Variants in ZNF578 observed in about 807,000 individuals in gnomAD.
ZNF578 encodes zinc finger protein 578.
Under a neutral mutation model 8.3 loss-of-function variants are expected in ZNF578, and 8 were observed. The observed-to-expected ratio is 0.96, with a 90% CI of 0.56 to 1.74. The LOEUF is 1.74. ZNF578 is among the 40% of genes most tolerant of loss of function. The pLI, the probability that ZNF578 is intolerant of heterozygous loss-of-function variation, is 0.00. For synonymous variants in ZNF578, 206 were observed against 232.2 expected, an observed-to-expected ratio of 0.89 and a Z score of 1.03; for missense variants, 726 against 707.5, an observed-to-expected ratio of 1.03 and a Z score of -0.30.
In ZNF578 at chr19:52,514,900, A is replaced by G. The variant is rs1281630558; in HGVS notation, c.*2746A>G. ...CTGGTCTCAAACTCCTGACCTCGCG[A>G]TCCACCCGACTCAGCCTCCCACTGT... On this transcript the variant is annotated 3_prime_UTR_variant, in exon 6 of 6. Transcript: ENST00000421239. Among the ~76,000 whole-genome samples the G allele has an allele frequency of 1.3e-5, 2 of 149,976 alleles. No individual in the cohort carries two copies. The highest frequency in any genetic ancestry group is 2.9e-5 in the Non-Finnish European group (2 of 67,810).
intron 5 of ZNF578, among the ~76,000 whole-genome samples, chr19:52,508,222 A>G (rs1245779773): frequency 6.6e-6 from 1 of 151,288 alleles, no homozygotes; most frequent in African/African-American, 2.4e-5. Flanking sequence ...GTGCATGCCT[A>G]TAGTCCCAGC....
Position 52,511,499 on chromosome 19 carries a change from G to A in ZNF578, c.1118G>A (p.Cys373Tyr), listed in dbSNP as rs61739625. The A allele has an allele frequency of 5.8e-3, 9,441 of 1,613,892 alleles. 42 individuals carry two copies. Among genetic ancestry groups the A allele is most frequent in the Middle Eastern group, 0.015 (89 of 6,062 alleles). ...RLHTGIKPYKCNECGKMFGQN... is the reference protein window; with the variant it reads ...RLHTGIKPYKYNECGKMFGQN... The stretch of plus-strand genomic sequence containing the variant: ...CATACTGGAATAAAACCTTACAAGT[G>A]TAATGAGTGTGGCAAGATGTTTGGT... Residue 373 changes from cysteine (C) to tyrosine (Y), a missense_variant, in exon 6 of 6, where the codon TGT becomes TAT. Coordinates refer to ENST00000421239, the MANE Select transcript of ZNF578 (RefSeq NM_001099694.2).
Position 52,487,335 on chromosome 19 carries a change from T to A in ZNF578, c.-121-3989T>A, listed in dbSNP as rs1254976601. On this transcript the variant is annotated intron_variant, in intron 2 of 5. Coordinates refer to ENST00000421239, the MANE Select transcript of ZNF578 (RefSeq NM_001099694.2). The stretch of plus-strand genomic sequence containing the variant: ...CAGGGCGAGAGACTTTGGGTTTAGA[T>A]GAGTGGGTGAGTTCATTGGATATGA... 2.0e-5 allele frequency among the ~76,000 whole-genome samples: 3 copies of A among 152,176 alleles called. No homozygotes were observed. The East Asian group carries it at 5.8e-4, about 29-fold the overall frequency.
intron 2 of ZNF578, among the ~76,000 whole-genome samples, chr19:52,478,047 A>G (rs559240741): frequency 5.2e-4 from 79 of 152,310 alleles, no homozygotes; most frequent in African/African-American, 1.5e-3. Flanking sequence ...AAGGGCCATG[A>G]CCTAACAGCA....
intron 2 of ZNF578, among the ~76,000 whole-genome samples, chr19:52,485,108 C>G (rs1004956595): frequency 6.6e-6 from 1 of 151,926 alleles, no homozygotes; most frequent in East Asian, 2.0e-4. Context: ...TGACTTTTCC[C>G]TTTTGTGTAG....
At chr19:52,463,801 C>G (rs1291462981) in intron 2 of ZNF578, among the ~76,000 whole-genome samples, 2 of 152,074 alleles carry the variant, frequency 1.3e-5, no homozygotes, top group Non-Finnish European at 2.9e-5. Flanking sequence ...AACTTTATCA[C>G]AAGGTCCCAC....
chr19:52,511,043 A>G lies in ZNF578; in HGVS notation c.662A>G (p.Lys221Arg). ...TTCCATTCATCATTACTCACACAAA[A>G]ACAGGAAGTACACATGAGAGAAAAA... Reference protein sequence around the residue: ...NFFHSSLLTQKQEVHMREKSF... With the variant: ...NFFHSSLLTQRQEVHMREKSF... Residue 221 changes from lysine to arginine, a missense_variant, in exon 6 of 6, where the codon AAA (lysine) becomes AGA (arginine). Physicochemically the swap from Lys to Arg is conservative, Grantham distance 26. Transcript: ENST00000421239. 1 of 1,614,216 alleles carries G rather than the reference A, an allele frequency of 6.2e-7. No individual in the cohort carries two copies. Among genetic ancestry groups the G allele is most frequent in the African/African-American group, 1.3e-5 (1 of 75,062 alleles).
intron 2 of ZNF578, among the ~76,000 whole-genome samples, chr19:52,487,154 G>A (rs2059348572): frequency 6.6e-6 from 1 of 151,756 alleles, no homozygotes; most frequent in South Asian, 2.1e-4. Context: ...GCAACATAGT[G>A]AGAACACCAT....
intron 2 of ZNF578, chr19:52,458,379 G>A (rs774985726): frequency 6.7e-6 from 1 of 148,360 alleles, no homozygotes; most frequent in Non-Finnish European, 1.5e-5. Flanking sequence ...AGGTTCCCCT[G>A]TTATCCCCAG....
chr19:52,505,428 T>G (rs893363222), intron 5 of ZNF578, among the ~76,000 whole-genome samples: 6 of 151,902 alleles, frequency 3.9e-5, no homozygotes, highest in Non-Finnish European at 7.4e-5. Context: ...TTGTTTGTTT[T>G]TTGTTTTTGT....
chr19:52,480,100 G>A (rs956680774), intron 2 of ZNF578, among the ~76,000 whole-genome samples: 5 of 152,036 alleles, frequency 3.3e-5, no homozygotes, highest in Non-Finnish European at 7.4e-5. Context: ...TAGTAGAGAC[G>A]GGGTTTCACC....
intron 3 of ZNF578, among the ~76,000 whole-genome samples, chr19:52,494,017 T>G (rs1599903576): frequency 6.8e-6 from 1 of 146,714 alleles, no homozygotes; most frequent in Non-Finnish European, 1.5e-5. Context: ...AAATAAGTTG[T>G]GAGGATGGAG....
At chr19:52,489,340 AGCACTTTGGAAG>A (rs2059357229) in intron 2 of ZNF578, among the ~76,000 whole-genome samples, 1 of 152,178 alleles carries the variant, frequency 6.6e-6, no homozygotes, top group African/African-American at 2.4e-5. Context: ...TTGTAACGCC[AGCACTTTGGAAG>A]GCTGATGCGG....
chr19:52,515,882 A>T lies in ZNF578; in HGVS notation c.*3728A>T, dbSNP rs1370247728. The stretch of plus-strand genomic sequence containing the variant: ...TCAAGGCCTTTCTCTGTATGAGGAC[A>T]TCACAGCAAAATCTAAAGCAGGTCA... On this transcript the variant is annotated 3_prime_UTR_variant, in exon 6 of 6. Transcript: ENST00000421239. 6.6e-6 allele frequency among the ~76,000 whole-genome samples: 1 copy of T among 152,148 alleles called. No homozygotes were observed. Among genetic ancestry groups the T allele is most frequent in the African/African-American group, 2.4e-5 (1 of 41,416 alleles).
Position 52,499,575 on chromosome 19 carries a change from A to G in ZNF578, c.-19-2252A>G, listed in dbSNP as rs148773541. 4.9e-3 allele frequency among the ~76,000 whole-genome samples: 741 copies of G among 152,338 alleles called. 4 individuals are homozygous for G. Among genetic ancestry groups the G allele is most frequent in the South Asian group, 6.6e-3 (32 of 4,830 alleles). ...AAAACTTAGCTGAACTTGACAGCACATATTTTAAATATGGGAAATACATTA... is the reference window on the plus strand; with the variant it reads ...AAAACTTAGCTGAACTTGACAGCACGTATTTTAAATATGGGAAATACATTA... On this transcript the variant is annotated intron_variant, in intron 3 of 5. Transcript: ENST00000421239.
intron 4 of ZNF578, among the ~76,000 whole-genome samples, chr19:52,503,293 C>T (rs1277659400): frequency 1.3e-5 from 2 of 152,164 alleles, no homozygotes; most frequent in South Asian, 2.1e-4. Context: ...TGATCCTCCC[C>T]TCTTGGCCTC....
chr19:52,463,524 C>T (rs966861588), intron 2 of ZNF578, among the ~76,000 whole-genome samples: 1 of 146,984 alleles, frequency 6.8e-6, no homozygotes, highest in African/African-American at 2.5e-5. Flanking sequence ...TAGCCTTAGT[C>T]AAGGGTCCTG....
intron 2 of ZNF578, among the ~76,000 whole-genome samples, chr19:52,488,397 A>G (rs960953230): frequency 2.6e-5 from 4 of 151,962 alleles, no homozygotes; most frequent in Admixed American, 1.3e-4. Context: ...TACTAAAAAA[A>G]TACCAAAATT....
chr19:52,468,889 A>G (rs1381425907), intron 2 of ZNF578, among the ~76,000 whole-genome samples: 1 of 152,028 alleles, frequency 6.6e-6, no homozygotes, highest in Non-Finnish European at 1.5e-5. Flanking sequence ...TGGGACTTGA[A>G]CCAGCAGCTT....
Sources: allele counts gnomAD v4.1 joint callset (sites outside exome capture counted in the v4.1 genomes callset), GRCh38; gene constraint gnomAD v4.1.1; transcripts MANE v1.5; gene names NCBI Gene and HGNC (gene_info 2026-07-23, HGNC 2026-07-21).